EFCAB11: variants seen among roughly 807,000 people sequenced by gnomAD.
EFCAB11 encodes the protein EF-hand calcium-binding domain-containing protein 11.
EFCAB11 carries 14 observed loss-of-function variants against 23.0 expected under a neutral mutation model. That is an observed-to-expected ratio of 0.61 (90% confidence interval 0.40 to 0.95). The LOEUF (loss-of-function observed/expected upper bound fraction) is 0.95, where lower values mean the gene tolerates loss of function less well. Ranked by LOEUF, EFCAB11 falls within the 40% of genes least tolerant of loss-of-function variation. EFCAB11 has a pLI of 0.00. For missense variants in EFCAB11, 198 were observed against 195.8 expected (o/e 1.01, Z -0.07); for synonymous variants, 65 against 66.6 (o/e 0.98, Z 0.11).
At chr14:89,937,650 C>T (rs1165053916) in intron 3 of EFCAB11, among the ~76,000 whole-genome samples, 6 of 152,020 alleles carry the variant, frequency 3.9e-5, no homozygotes, top group African/African-American at 9.7e-5. Flanking sequence ...CTCAGCCTCC[C>T]GAGTAGCTGG....
chr14:89,905,853 A>G (rs1344870808), intron 5 of EFCAB11, among the ~76,000 whole-genome samples: 1 of 152,160 alleles, frequency 6.6e-6, no homozygotes, highest in African/African-American at 2.4e-5. Context: ...TTGGTAATTG[A>G]ATGGATTTAG....
chr14:89,925,738 C>A (rs904767505), intron 5 of EFCAB11, among the ~76,000 whole-genome samples: 2 of 151,556 alleles, frequency 1.3e-5, no homozygotes, highest in Non-Finnish European at 2.9e-5. Context: ...CTCCGCCTCC[C>A]GGGTTCAAGC....
intron 5 of EFCAB11, among the ~76,000 whole-genome samples, chr14:89,892,615 C>G (rs1402085173): frequency 6.6e-6 from 1 of 152,162 alleles, no homozygotes; most frequent in Non-Finnish European, 1.5e-5. Flanking sequence ...AAAGAAAGGT[C>G]TGATGGCCAG....
intron 5 of EFCAB11, among the ~76,000 whole-genome samples, chr14:89,911,997 C>A (rs1044477752): frequency 2.0e-5 from 3 of 152,186 alleles, no homozygotes; most frequent in Non-Finnish European, 4.4e-5. Context: ...AGCTGAGATA[C>A]TTTTCAAAGG....
At chr14:89,826,815 T>C (rs778920768) in intron 5 of EFCAB11, among the ~76,000 whole-genome samples, 6 of 152,164 alleles carry the variant, frequency 3.9e-5, no homozygotes, top group Non-Finnish European at 5.9e-5. Context: ...CTTGGTCCCT[T>C]AAGTTACTAG....
chr14:89,856,151 G>A (rs984469827), intron 5 of EFCAB11, among the ~76,000 whole-genome samples: 7 of 151,160 alleles, frequency 4.6e-5, no homozygotes, highest in African/African-American at 1.7e-4. Context: ...AGGAATTCCT[G>A]AGTCATATGG....
At chr14:89,950,028 T>C in intron 3 of EFCAB11, 69 bp downstream of exon 3, 1 of 1,435,030 alleles carries the variant, frequency 7.0e-7, no homozygotes, top group Non-Finnish European at 9.5e-7. Context: ...GAGACTGATG[T>C]AGGGACACAG....
At chr14:89,877,044 G>T (rs1208602165) in intron 5 of EFCAB11, among the ~76,000 whole-genome samples, 5 of 146,770 alleles carry the variant, frequency 3.4e-5, no homozygotes, top group African/African-American at 1.0e-4. Flanking sequence ...ATGACCAAAA[G>T]TTTTTTTTTT....
intron 5 of EFCAB11, among the ~76,000 whole-genome samples, chr14:89,798,425 C>T (rs886134059): frequency 4.6e-5 from 7 of 152,158 alleles, no homozygotes; most frequent in Non-Finnish European, 8.8e-5. Context: ...AGCATAGTGT[C>T]AGATCTCTTC....
At chr14:89,873,330 A>C (rs1888340506) in intron 5 of EFCAB11, among the ~76,000 whole-genome samples, 1 of 151,966 alleles carries the variant, frequency 6.6e-6, no homozygotes, top group Admixed American at 6.6e-5. Flanking sequence ...CCACCAGCTC[A>C]CTCCCATGAT....
chr14:89,857,934 C>G (rs1887805817), intron 5 of EFCAB11, among the ~76,000 whole-genome samples: 2 of 152,076 alleles, frequency 1.3e-5, no homozygotes, highest in African/African-American at 2.4e-5. Context: ...TTCTGATATC[C>G]AGCTTCTACT....
At chr14:89,889,397 C>A (rs970542511) in intron 5 of EFCAB11, among the ~76,000 whole-genome samples, 1 of 152,124 alleles carries the variant, frequency 6.6e-6, no homozygotes, top group Non-Finnish European at 1.5e-5. Context: ...CCCTCAGTTC[C>A]CCATCTATGA....
At chr14:89,935,440 T>G (rs1272289757) in intron 3 of EFCAB11, among the ~76,000 whole-genome samples, 1 of 151,198 alleles carries the variant, frequency 6.6e-6, no homozygotes, top group Non-Finnish European at 1.5e-5. Context: ...CTTGCTCTCT[T>G]GCCCAGGCTG....
intron 5 of EFCAB11, among the ~76,000 whole-genome samples, chr14:89,854,411 A>G (rs976122354): frequency 6.6e-6 from 1 of 151,990 alleles, no homozygotes; most frequent in African/African-American, 2.4e-5. Flanking sequence ...TCCCCTCCTC[A>G]TTCAGGATAC....
At chr14:89,892,969 C>G (rs947814892) in intron 5 of EFCAB11, among the ~76,000 whole-genome samples, 2 of 152,134 alleles carry the variant, frequency 1.3e-5, no homozygotes, top group African/African-American at 4.8e-5. Context: ...GTCCTTGAGC[C>G]TCAGTGTCCT....
At chr14:89,819,741 A>T (rs1886449107) in intron 5 of EFCAB11, among the ~76,000 whole-genome samples, 1 of 152,204 alleles carries the variant, frequency 6.6e-6, no homozygotes, top group Non-Finnish European at 1.5e-5. Context: ...CCAGCCCCAA[A>T]GAAACTTTTA....
rs551771379 is a variant in EFCAB11, at chr14:89,942,302, T to C, written c.217+7795A>G. Reference sequence around the variant, plus strand: ...CAATCATCACAGATGAATGTGCTCATCACAGATCTGCATGATAACTGTTCA... The same window carrying C: ...CAATCATCACAGATGAATGTGCTCACCACAGATCTGCATGATAACTGTTCA... On this transcript the variant is annotated intron_variant, in intron 3 of 5. Transcript: ENST00000316738. Among the ~76,000 whole-genome samples, 3 of 152,330 alleles carry C rather than the reference T, an allele frequency of 2.0e-5. No individual in the cohort carries two copies. The South Asian group carries it at 6.2e-4, about 32-fold the overall frequency.
chr14:89,936,787 A>C (rs1041483038), intron 3 of EFCAB11, among the ~76,000 whole-genome samples: 1 of 152,148 alleles, frequency 6.6e-6, no homozygotes, highest in African/African-American at 2.4e-5. Context: ...TGCAATGAAA[A>C]CACATTAATG....
At position 89,796,407 on chromosome 14, in the gene EFCAB11, A is replaced by G. The variant is rs897824978; in HGVS notation, c.*836T>C. On this transcript the variant is annotated 3_prime_UTR_variant, in exon 6 of 6. Transcript: ENST00000316738. ...CTGAAGCTTCAAACCCCTGGGCTCA[A>G]ATGATCCTTCCACCTCAGCCTCCCA... is the stretch of plus-strand genomic sequence containing the variant. 2.0e-5 allele frequency: 3 copies of G among 152,212 alleles called. No homozygotes were observed. Among genetic ancestry groups the G allele is most frequent in the African/African-American group, 7.2e-5 (3 of 41,444 alleles). The allele number at this position is 152,212 out of a possible 1,614,324, so 9.4% of individuals were successfully genotyped here.
Sources: allele counts gnomAD v4.1 joint callset (sites outside exome capture counted in the v4.1 genomes callset), GRCh38; gene constraint gnomAD v4.1.1; transcripts MANE v1.5; gene names NCBI Gene and HGNC (gene_info 2026-07-23, HGNC 2026-07-21).